CTNND2: variants seen among roughly 807,000 people sequenced by gnomAD.
CTNND2 encodes the protein catenin delta 2.
A neutral mutation model predicts 144.4 loss-of-function variants in CTNND2; 22 were observed. The ratio of observed to expected loss-of-function variants is 0.15; its 90% CI spans 0.11 to 0.22. CTNND2 has a LOEUF of 0.22. CTNND2 is among the 10% of genes least tolerant of loss of function. CTNND2 has a pLI of 1.00. For synonymous variants in CTNND2, 751 were observed against 695.6 expected (o/e 1.08, Z -1.25); for missense variants, 1,353 against 1,618.8 (o/e 0.84, Z 2.82).
chr5:11,685,495 G>T (rs1045006857), intron 2 of CTNND2, among the ~76,000 whole-genome samples: 12 of 152,148 alleles, frequency 7.9e-5, no homozygotes, highest in African/African-American at 2.4e-4. Context: ...CTACAACATA[G>T]ATTTAGGGAT....
chr5:11,044,220 T>C (rs900136036), intron 16 of CTNND2, among the ~76,000 whole-genome samples: 9 of 152,134 alleles, frequency 5.9e-5, no homozygotes, highest in African/African-American at 2.2e-4. Context: ...ACACCAAACA[T>C]GCCCTGCACA....
chr5:11,174,511 C>T (rs1340764809), intron 11 of CTNND2, among the ~76,000 whole-genome samples: 14 of 151,958 alleles, frequency 9.2e-5, no homozygotes, highest in Admixed American at 9.2e-4. Context: ...TAGTTGCTGA[C>T]TTATTTTTTT....
At chr5:11,525,053 G>A (rs991712304) in intron 3 of CTNND2, among the ~76,000 whole-genome samples, 6 of 152,152 alleles carry the variant, frequency 3.9e-5, no homozygotes, top group African/African-American at 9.7e-5. Context: ...TGAAGAAGCC[G>A]AAAGTCATTT....
chr5:11,645,363 A>G (rs1187573399), intron 2 of CTNND2, among the ~76,000 whole-genome samples: 1 of 152,198 alleles, frequency 6.6e-6, no homozygotes, highest in Non-Finnish European at 1.5e-5. Flanking sequence ...ACAGGTCCAT[A>G]TAACACAGAA....
chr5:11,657,916 T>C (rs1182669680), intron 2 of CTNND2, among the ~76,000 whole-genome samples: 1 of 152,114 alleles, frequency 6.6e-6, no homozygotes, highest in African/African-American at 2.4e-5. Flanking sequence ...TTTTGAATGA[T>C]ACAAAAACCT....
At chr5:11,297,641 T>C (rs1197719074) in intron 9 of CTNND2, among the ~76,000 whole-genome samples, 1 of 152,158 alleles carries the variant, frequency 6.6e-6, no homozygotes, top group Non-Finnish European at 1.5e-5. Flanking sequence ...CAGTAAATAT[T>C]AAGAGATGTA....
intron 2 of CTNND2, among the ~76,000 whole-genome samples, chr5:11,645,923 TTTTA>T (rs1484281035): frequency 1.3e-5 from 2 of 151,790 alleles, no homozygotes; most frequent in African/African-American, 4.9e-5. Flanking sequence ...AGCTTTATTG[TTTTA>T]TTTTTTTTAA....
intron 14 of CTNND2, among the ~76,000 whole-genome samples, chr5:11,110,460 T>C (rs1273467503): frequency 6.6e-6 from 1 of 152,166 alleles, no homozygotes; most frequent in East Asian, 1.9e-4. Flanking sequence ...TTGGCCTCCC[T>C]CTGTCTCTCT....
At chr5:11,060,104 G>A in intron 16 of CTNND2, among the ~76,000 whole-genome samples, 1 of 152,102 alleles carries the variant, frequency 6.6e-6, no homozygotes, top group East Asian at 1.9e-4. Flanking sequence ...GTTTGACAGA[G>A]TCTCCTGCCA....
chr5:11,027,298 C>A (rs1742952176), intron 16 of CTNND2: 1 of 152,120 alleles, frequency 6.6e-6, no homozygotes, highest in Non-Finnish European at 1.5e-5. Flanking sequence ...GTGAGGCGTT[C>A]CATCTTTTGT....
At chr5:11,343,482 A>G (rs920508013) in intron 9 of CTNND2, among the ~76,000 whole-genome samples, 3 of 152,180 alleles carry the variant, frequency 2.0e-5, no homozygotes, top group Admixed American at 6.5e-5. Flanking sequence ...CATTCTTCCC[A>G]ACTCCTACAC....
At chr5:11,470,607 C>T (rs975144167) in intron 3 of CTNND2, among the ~76,000 whole-genome samples, 2 of 152,088 alleles carry the variant, frequency 1.3e-5, no homozygotes, top group Non-Finnish European at 1.5e-5. Context: ...CATTTGTAAT[C>T]TAATGTCCTT....
At chr5:11,417,192 G>T (rs1300914333) in intron 3 of CTNND2, among the ~76,000 whole-genome samples, 1 of 152,180 alleles carries the variant, frequency 6.6e-6, no homozygotes, top group African/African-American at 2.4e-5. Flanking sequence ...AAGGTAAAAA[G>T]ATGCCACGGA....
At chr5:11,411,987 A>G in intron 4 of CTNND2, 48 bp downstream of exon 4, 1 of 1,375,216 alleles carries the variant, frequency 7.3e-7, no homozygotes, top group Non-Finnish European at 1.0e-6. Flanking sequence ...AGTCATCAGT[A>G]GAGATATGTT....
rs1436849287 is a variant in CTNND2, at chr5:11,455,870, G to A, written c.288-43801C>T. On this transcript the variant is annotated intron_variant, in intron 3 of 21. Coordinates refer to ENST00000304623, the MANE Select transcript of CTNND2 (RefSeq NM_001332.4). ...CCGAACCAAGAATGCTTGCTCAGGC[G>A]CCTTTGAGAAATAACACAAGATTAC... Among the ~76,000 whole-genome samples, 3 of 152,150 alleles carry A rather than the reference G, an allele frequency of 2.0e-5. No homozygotes were observed. The East Asian group carries it at 5.8e-4, about 29-fold the overall frequency.
At chr5:11,764,198 C>A (rs1789444242) in intron 1 of CTNND2, among the ~76,000 whole-genome samples, 1 of 152,140 alleles carries the variant, frequency 6.6e-6, no homozygotes, top group African/African-American at 2.4e-5. Context: ...CCAAGGAATG[C>A]AGGCAGCCTC....
chr5:11,250,520 T>TATATATA (rs1491283471), intron 9 of CTNND2, among the ~76,000 whole-genome samples: 9 of 5,524 alleles, frequency 1.6e-3, no homozygotes, highest in East Asian at 0.017. Context: ...TATACATATA[T>TATATATA]TTTTTTTTTT....
chr5:11,313,419 G>A (rs949050367), intron 9 of CTNND2, among the ~76,000 whole-genome samples: 6 of 152,252 alleles, frequency 3.9e-5, no homozygotes, highest in African/African-American at 4.8e-5. Flanking sequence ...CCAAGTCCCC[G>A]ACACTCTGGG....
In CTNND2 at chr5:11,625,389, A is replaced by ATCTCTCTCTCTCTCTCTC. The variant is rs57148533; in HGVS notation, c.175-60351_175-60334dup. Among the ~76,000 whole-genome samples the ATCTCTCTCTCTCTCTCTC allele has an allele frequency of 7.7e-4, 108 of 140,484 alleles. 1 individual carries two copies. Among genetic ancestry groups the ATCTCTCTCTCTCTCTCTC allele is most frequent in the African/African-American group, 2.6e-3 (100 of 37,974 alleles). 92.2% of individuals were successfully genotyped at this position (140,484 alleles called of 152,430 possible). ...ACAACTGGGTAATGCAAACAGAAAAATCTCTCTCTCTCTCTCTCTCTCTCT... is the reference window on the plus strand; with the variant it reads ...ACAACTGGGTAATGCAAACAGAAAAATCTCTCTCTCTCTCTCTCTCTCTCTCTCTCTCTCTCTCTCTCT... On this transcript the variant is annotated intron_variant, in intron 2 of 21. Transcript: ENST00000304623.
Sources: allele counts gnomAD v4.1 joint callset (sites outside exome capture counted in the v4.1 genomes callset), GRCh38; gene constraint gnomAD v4.1.1; transcripts MANE v1.5; gene names NCBI Gene and HGNC (gene_info 2026-07-23, HGNC 2026-07-21).